The following LRRC7 variants were observed in gnomAD, a reference collection of about 807,000 sequenced individuals.
LRRC7 encodes leucine-rich repeat-containing protein 7.
In LRRC7, 23 loss-of-function variants were observed where a neutral mutation model predicts 175.7. That is an observed-to-expected ratio of 0.13 (90% CI 0.09 to 0.19). The LOEUF is 0.19. Ranked by LOEUF, LRRC7 falls within the 10% of genes least tolerant of loss-of-function variation. The probability of loss-of-function intolerance (pLI) is 1.00; values close to 1 mark genes in which losing one functional copy is unlikely to be tolerated. For missense variants in LRRC7, 1,354 were observed against 1,904.7 expected, an observed-to-expected ratio of 0.71 and a Z score of 5.38; for synonymous variants, 685 against 680.9, an observed-to-expected ratio of 1.01 and a Z score of -0.09.
At chr1:70,066,077 G>C (rs907901299) in intron 23 of LRRC7, among the ~76,000 whole-genome samples, 4 of 151,916 alleles carry the variant, frequency 2.6e-5, no homozygotes, top group African/African-American at 9.7e-5. Flanking sequence ...GATTACAACA[G>C]GTTTAAAATC....
chr1:70,033,172 A>T (rs1658943058), intron 18 of LRRC7, among the ~76,000 whole-genome samples: 1 of 152,174 alleles, frequency 6.6e-6, no homozygotes, highest in Non-Finnish European at 1.5e-5. Context: ...TATCACATAG[A>T]TCTTTGAGTA....
At chr1:70,065,285 G>A (rs1410209963) in intron 23 of LRRC7, among the ~76,000 whole-genome samples, 1 of 151,868 alleles carries the variant, frequency 6.6e-6, no homozygotes, top group African/African-American at 2.4e-5. Context: ...CAGGAGAAAT[G>A]TTCACCTTAA....
At chr1:69,669,461 G>A (rs932838810) in intron 1 of LRRC7, among the ~76,000 whole-genome samples, 2 of 152,122 alleles carry the variant, frequency 1.3e-5, no homozygotes, top group African/African-American at 4.8e-5. Context: ...TCCATTGTGT[G>A]TTACTTGTTT....
intron 1 of LRRC7, among the ~76,000 whole-genome samples, chr1:69,612,207 T>C (rs1648877584): frequency 6.6e-6 from 1 of 152,090 alleles, no homozygotes; most frequent in Non-Finnish European, 1.5e-5. Flanking sequence ...CAGTGTTTTC[T>C]GCAATAAAAT....
intron 7 of LRRC7, among the ~76,000 whole-genome samples, chr1:69,869,033 A>T (rs1685241099): frequency 6.6e-6 from 1 of 151,914 alleles, no homozygotes; most frequent in Non-Finnish European, 1.5e-5. Context: ...TAAATACCTT[A>T]TCTTCAATAT....
chr1:69,758,730 G>A lies in LRRC7; in HGVS notation c.101-1461G>A, dbSNP rs558623378. 3.3e-5 allele frequency among the ~76,000 whole-genome samples: 5 copies of A among 151,888 alleles called. No homozygotes were observed. In the South Asian group the frequency reaches 1.0e-3, roughly 32 times the overall value. ...AGTGGCCATGTTTGCGCAGTGTTTA[G>A]CTCCCACTTATAAATGAGAACATGC... On this transcript the variant is annotated intron_variant, in intron 2 of 26. Transcript: ENST00000651989.
intron 24 of LRRC7, among the ~76,000 whole-genome samples, chr1:70,087,927 A>G (rs1663733659): frequency 6.6e-6 from 1 of 152,206 alleles, no homozygotes; most frequent in Admixed American, 6.5e-5. Flanking sequence ...TAGTGACAAT[A>G]TGTGCTAATT....
chr1:69,571,927 A>G (rs1645754739), intron 1 of LRRC7, among the ~76,000 whole-genome samples: 1 of 152,136 alleles, frequency 6.6e-6, no homozygotes, highest in Non-Finnish European at 1.5e-5. Flanking sequence ...ATGCTGTTGA[A>G]CACAGTAGTT....
intron 7 of LRRC7, among the ~76,000 whole-genome samples, chr1:69,928,535 C>A (rs1647167288): frequency 6.6e-6 from 1 of 152,238 alleles, no homozygotes; most frequent in South Asian, 2.1e-4. Flanking sequence ...CCCAGCGTTG[C>A]TGCCGCCTTG....
chr1:70,057,157 C>T (rs1232614683), intron 23 of LRRC7, among the ~76,000 whole-genome samples: 5 of 152,244 alleles, frequency 3.3e-5, no homozygotes, highest in South Asian at 2.1e-4. Flanking sequence ...GCCTAAAATC[C>T]GAGATTTCTG....
chr1:69,578,810 G>A (rs538619982), intron 1 of LRRC7, among the ~76,000 whole-genome samples: 3 of 107,300 alleles, frequency 2.8e-5, no homozygotes, highest in African/African-American at 1.1e-4. Context: ...GGGGAGGGGG[G>A]AGGGATAGCA....
At chr1:70,113,146 G>C (rs1665632656) in intron 26 of LRRC7, among the ~76,000 whole-genome samples, 1 of 152,190 alleles carries the variant, frequency 6.6e-6, no homozygotes, top group Middle Eastern at 3.4e-3. Context: ...GTCTATGGCT[G>C]GATCTGTTGT....
chr1:69,869,856 C>T (rs1320737773), intron 7 of LRRC7, among the ~76,000 whole-genome samples: 1 of 152,112 alleles, frequency 6.6e-6, no homozygotes, highest in Admixed American at 6.6e-5. Flanking sequence ...ATAACAATTC[C>T]TTAGGCTTTC....
intron 5 of LRRC7, among the ~76,000 whole-genome samples, chr1:69,833,576 A>G (rs1403324292): frequency 1.3e-5 from 2 of 152,168 alleles, no homozygotes; most frequent in African/African-American, 2.4e-5. Flanking sequence ...TTATATATAC[A>G]TACAAGAAAG....
At chr1:69,863,472 T>G (rs937156353) in intron 7 of LRRC7, among the ~76,000 whole-genome samples, 4 of 152,204 alleles carry the variant, frequency 2.6e-5, no homozygotes, top group Non-Finnish European at 4.4e-5. Flanking sequence ...TGGTATGCAT[T>G]AATAGGTTGT....
At chr1:69,644,552 A>C (rs1044721956) in intron 1 of LRRC7, among the ~76,000 whole-genome samples, 1 of 151,996 alleles carries the variant, frequency 6.6e-6, no homozygotes, top group Non-Finnish European at 1.5e-5. Context: ...TAAACAGATA[A>C]AATTAGTTCT....
At chr1:69,717,171 G>A (rs747198010) in intron 2 of LRRC7, among the ~76,000 whole-genome samples, 8 of 150,976 alleles carry the variant, frequency 5.3e-5, no homozygotes, top group Non-Finnish European at 1.2e-4. Context: ...AAACAAAAAT[G>A]TATACAAAAT....
chr1:69,857,324 A>G (rs1026133510), intron 7 of LRRC7, among the ~76,000 whole-genome samples: 4 of 152,104 alleles, frequency 2.6e-5, no homozygotes, highest in African/African-American at 7.2e-5. Context: ...AAGTCAAATT[A>G]TCCCTGTTTG....
intron 23 of LRRC7, among the ~76,000 whole-genome samples, chr1:70,069,846 G>T (rs963142812): frequency 6.6e-6 from 1 of 151,998 alleles, no homozygotes; most frequent in Non-Finnish European, 1.5e-5. Context: ...CTGTCTACCA[G>T]GTCACTGTTT....
Sources: allele counts gnomAD v4.1 joint callset (sites outside exome capture counted in the v4.1 genomes callset), GRCh38; gene constraint gnomAD v4.1.1; transcripts MANE v1.5; gene names NCBI Gene and HGNC (gene_info 2026-07-23, HGNC 2026-07-21).